Variants in ZNF594 observed in about 807,000 individuals in gnomAD.
ZNF594 encodes zinc finger protein HZF18.
For synonymous variants in ZNF594, 336 were observed against 309.4 expected (o/e 1.09, Z -0.90); for missense variants, 1,037 against 964.6 (o/e 1.08, Z -0.99).
chr17:5,182,501 G>A lies in ZNF594; in HGVS notation c.1756C>T (p.His586Tyr). 1 of 1,614,050 alleles carries A rather than the reference G, an allele frequency of 6.2e-7. No homozygotes were observed. The highest frequency in any genetic ancestry group is 1.1e-5 in the South Asian group (1 of 91,076). The change falls in exon 2 of 2, where the codon CAT (histidine) becomes TAT (tyrosine). Residue 586 changes from histidine to tyrosine, a missense_variant. Transcript: ENST00000575779. ...AFQGSSDLIR[H>Y]QVTHTREKPY... ...TTCTCTCTTGTATGAGTTACCTGAT[G>A]TCTGATGAGGTCTGAGCTGCCCTGG...
Position 5,182,034 on chromosome 17 carries a change from G to C in ZNF594, c.2223C>G (p.Thr741=), listed in dbSNP as rs756289611. 1.5e-5 allele frequency: 25 copies of C among 1,613,502 alleles called. No individual in the cohort carries two copies. In the South Asian group the frequency reaches 2.4e-4, roughly 16 times the overall value. Residue 741 remains threonine (T), a synonymous_variant, in exon 2 of 2, where the codon ACC becomes ACG. Transcript: ENST00000575779. ...TTCTAAGCTCCTCATCCTTGCTGAA[G>C]GTTTTCTCACATTCTTCAAGTTTCT... is the stretch of plus-strand genomic sequence containing the variant. The part of the protein sequence containing the change: ...AGEKLEECEK[T]FSKDEELRKE...
At chr17:5,184,365 G>A in intron 1 of ZNF594, 89 bp from the exon 2 acceptor site, 1 of 1,274,872 alleles carries the variant, frequency 7.8e-7, no homozygotes, top group Non-Finnish European at 1.1e-6. Flanking sequence ...GAGGAACAAA[G>A]AACTCAGAAG....
chr17:5,175,352 A>G (rs138381631), downstream of ZNF594, among the ~76,000 whole-genome samples: 10 of 152,290 alleles, frequency 6.6e-5, no homozygotes, highest in African/African-American at 2.4e-4. Context: ...GCATGCTAGC[A>G]ATCTAGGTTG....
rs776805191 is a variant in ZNF594 at position 5,183,844 on chromosome 17, C to T, written c.413G>A (p.Arg138Lys). ...ECKECEKTFN[R>K]SSNLIIHQRI... ...CTGATGTATGATCAGGTTTGAACTCCTGTTGAAGGTTTTTTCACATTCCTT... is the reference window on the plus strand; with the variant it reads ...CTGATGTATGATCAGGTTTGAACTCTTGTTGAAGGTTTTTTCACATTCCTT... The change falls in exon 2 of 2, where the codon AGG becomes AAG. Residue 138 changes from arginine (R) to lysine (K), a missense_variant. Arg to Lys is a conservative substitution (Grantham distance 26). Coordinates refer to ENST00000575779, the MANE Select transcript of ZNF594 (RefSeq NM_032530.2). 1.2e-5 allele frequency: 19 copies of T among 1,613,724 alleles called. No homozygotes were observed. The highest frequency in any genetic ancestry group is 1.6e-5 in the Non-Finnish European group (19 of 1,179,940).
rs200913503 is a variant in ZNF594 at position 5,183,493 on chromosome 17, A to G, written c.764T>C (p.Ile255Thr). 3.7e-5 allele frequency: 60 copies of G among 1,614,170 alleles called. No individual in the cohort carries two copies. The East Asian group carries it at 1.1e-3, about 31-fold the overall frequency. Residue 255 changes from isoleucine to threonine, a missense_variant, in exon 2 of 2, where the codon ATT (isoleucine) becomes ACT (threonine). By Grantham distance (89) the Ile-to-Thr change is moderately conservative (BLOSUM62 -1). Coordinates refer to ENST00000575779, the MANE Select transcript of ZNF594 (RefSeq NM_032530.2). ...GKAFSQSTDL[I>T]IHHRIHTGEK... Reference sequence around the variant, plus strand: ...TCCAGTGTGAATTCTGTGATGTATAATAAGATCTGTGCTTTGACTGAAAGC... The same window carrying G: ...TCCAGTGTGAATTCTGTGATGTATAGTAAGATCTGTGCTTTGACTGAAAGC...
intron 1 of ZNF594, among the ~76,000 whole-genome samples, chr17:5,187,062 T>C (rs770995030): frequency 6.6e-6 from 1 of 152,250 alleles, no homozygotes; most frequent in Non-Finnish European, 1.5e-5. Context: ...ATTTTGGATG[T>C]CTTTTCAGCA....
downstream of ZNF594, among the ~76,000 whole-genome samples, chr17:5,178,796 T>C (rs1244568534): frequency 1.3e-5 from 2 of 152,166 alleles, no homozygotes; most frequent in Non-Finnish European, 2.9e-5. Context: ...TAGATTCTTA[T>C]TTACCAGCAA....
chr17:5,181,866 A>G lies in ZNF594; in HGVS notation c.2391T>C (p.Thr797=), dbSNP rs12602406. Residue 797 remains threonine (T), a synonymous_variant, in exon 2 of 2, where the codon ACT becomes ACC. Coordinates refer to ENST00000575779, the MANE Select transcript of ZNF594 (RefSeq NM_032530.2). ...KPYECKECGK[T]QSELRPSETS is the part of the protein sequence containing the mutation. ...TCTCAGAAGGTCTGAGCTCTGATTG[A>G]GTTTTCCCACATTCTTTACATTCAT... 6.2e-7 allele frequency: 1 copy of G among 1,613,112 alleles called. No homozygotes were observed. Among genetic ancestry groups the G allele is most frequent in the African/African-American group, 1.3e-5 (1 of 74,576 alleles).
intron 1 of ZNF594, among the ~76,000 whole-genome samples, chr17:5,186,968 C>G (rs1355025338): frequency 6.6e-6 from 1 of 152,232 alleles, no homozygotes; most frequent in East Asian, 1.9e-4. Context: ...AAGTTCCAAA[C>G]TTTCCCACAT....
At position 5,181,407 on chromosome 17, in the gene ZNF594, T is replaced by G. The variant is rs780962119; in HGVS notation, c.*426A>C. ...ACACTGATTACACCAATAAGCTTTC[T>G]CTTCTTGGTGAATTTTCTGCTCTCC... On this transcript the variant is annotated 3_prime_UTR_variant, in exon 2 of 2. Transcript: ENST00000575779. 4 of 1,613,150 alleles carry G rather than the reference T, an allele frequency of 2.5e-6. No individual in the cohort carries two copies. The highest frequency in any genetic ancestry group is 3.4e-6 in the Non-Finnish European group (4 of 1,179,254).
At chr17:5,187,549 A>G (rs2074393354) in intron 1 of ZNF594, among the ~76,000 whole-genome samples, 1 of 152,244 alleles carries the variant, frequency 6.6e-6, no homozygotes, top group Admixed American at 6.5e-5. Context: ...GTGAATGAGC[A>G]GCAACATGGC....
At chr17:5,178,178 T>TAAAAA (rs143332678), downstream of ZNF594, among the ~76,000 whole-genome samples, 1 of 149,070 alleles carries the variant, frequency 6.7e-6, no homozygotes, top group Non-Finnish European at 1.5e-5. Context: ...ACAAATATTC[T>TAAAAA]AAAAAAAACC....
rs554014188 is a variant in ZNF594 at position 5,189,187 on chromosome 17, C to T, written c.-21+2561G>A. Among the ~76,000 whole-genome samples the T allele has an allele frequency of 1.8e-3, 280 of 151,838 alleles. 1 individual carries two copies. The highest frequency in any genetic ancestry group is 6.9e-3 in the Middle Eastern group (2 of 290). ...TCTTGAACTCCTGGCTTCAAGTGAT[C>T]CTCCCACCTTGGCCTCCCAAAGTGC... On this transcript the variant is annotated intron_variant, in intron 1 of 1. Coordinates refer to ENST00000575779, the MANE Select transcript of ZNF594 (RefSeq NM_032530.2).
At chr17:5,188,201 T>TAG (rs1162660723) in intron 1 of ZNF594, among the ~76,000 whole-genome samples, 10 of 149,126 alleles carry the variant, frequency 6.7e-5, no homozygotes, top group African/African-American at 2.0e-4. Context: ...CATATATATA[T>TAG]AGAGAGAGAG....
Position 5,184,361 on chromosome 17 carries a change from CA to C in ZNF594, c.-20-86del. 3 of 1,331,690 alleles carry C rather than the reference CA, an allele frequency of 2.3e-6. No individual in the cohort carries two copies. In the South Asian group the frequency reaches 4.5e-5, roughly 20 times the overall value. 82.5% of individuals were successfully genotyped at this position (1,331,690 alleles called of 1,614,324 possible). On this transcript the variant is annotated intron_variant, in intron 1 of 1. Coordinates refer to ENST00000575779, the MANE Select transcript of ZNF594 (RefSeq NM_032530.2). ...TACTGGGCAGTCTAAGAGGGAGGAA[CA>C]AAGAACTCAGAAGACCTTTCCCTGC...
At chr17:5,190,339 G>C (rs1389954532) in intron 1 of ZNF594, among the ~76,000 whole-genome samples, 1 of 152,190 alleles carries the variant, frequency 6.6e-6, no homozygotes, top group African/African-American at 2.4e-5. Flanking sequence ...CTGCACTCTA[G>C]TCTGTTGACA....
At chr17:5,177,000 C>T, downstream of ZNF594, among the ~76,000 whole-genome samples, 2 of 151,818 alleles carry the variant, frequency 1.3e-5, no homozygotes, top group East Asian at 3.9e-4. Flanking sequence ...TCAAGACCAT[C>T]CTGGCTAACA....
At chr17:5,184,440 G>T in intron 1 of ZNF594, 164 bp from the exon 2 acceptor site, 1 of 724,678 alleles carries the variant, frequency 1.4e-6, no homozygotes, top group Non-Finnish European at 2.2e-6. Context: ...ACAGGAACCT[G>T]TGCTACCACA....
At chr17:5,191,681 C>G (rs968924303) in intron 1 of ZNF594, 67 bp downstream of exon 1, 2 of 152,180 alleles carry the variant, frequency 1.3e-5, no homozygotes, top group African/African-American at 4.8e-5. Flanking sequence ...AGCTCTGCTC[C>G]ACTCCTCGCT....
Sources: allele counts gnomAD v4.1 joint callset (sites outside exome capture counted in the v4.1 genomes callset), GRCh38; gene constraint gnomAD v4.1.1; transcripts MANE v1.5; gene names NCBI Gene and HGNC (gene_info 2026-07-23, HGNC 2026-07-21).